ZNF425: variants seen among roughly 807,000 people sequenced by gnomAD.
ZNF425 encodes zinc finger protein 425.
ZNF425 carries 21 observed loss-of-function variants against 17.0 expected under a neutral mutation model. That is an observed-to-expected ratio of 1.23 (90% CI 0.88 to 1.78). The LOEUF is 1.78. ZNF425 is among the 40% of genes most tolerant of loss of function. ZNF425 has a pLI of 0.00. For missense variants in ZNF425, 868 were observed against 967.3 expected (o/e 0.90, Z 1.36); for synonymous variants, 433 against 384.1 (o/e 1.13, Z -1.49).
intron 1 of ZNF425, among the ~76,000 whole-genome samples, chr7:149,119,180 C>T (rs945652706): frequency 2.0e-5 from 3 of 149,502 alleles, no homozygotes; most frequent in South Asian, 2.1e-4. Flanking sequence ...GGCTCAATCT[C>T]GGCTCACTGC....
chr7:149,112,354 C>G, intron 2 of ZNF425, 59 bp from the exon 3 acceptor site: 5 of 1,539,698 alleles, frequency 3.2e-6, no homozygotes, highest in Non-Finnish European at 4.4e-6. Context: ...ATTTTTTTGG[C>G]CGGGTGTGGT....
In ZNF425 at chr7:149,112,156, A is replaced by C. The variant is rs765317802; in HGVS notation, c.285T>G (p.Thr95=). The C allele has an allele frequency of 1.9e-6, 3 of 1,613,722 alleles. No individual in the cohort carries two copies. The African/African-American group carries it at 4.0e-5, about 22-fold the overall frequency. Reference sequence around the variant, plus strand: ...ACTCACCAAAACATAGCAACTTTCCAGTATTCTTCATGTTCAACTGTTCAT... The same window carrying C: ...ACTCACCAAAACATAGCAACTTTCCCGTATTCTTCATGTTCAACTGTTCAT... ...PTDEQLNMKN[T]GKLLCFDDEG... The change falls in exon 3 of 4, where the codon ACT becomes ACG. Residue 95 remains threonine (T), a synonymous_variant. Transcript: ENST00000378061.
chr7:149,125,956 G>C lies in ZNF425; in HGVS notation c.18+240C>G. Reference sequence around the variant, plus strand: ...TCCCGCCTCAGCCTTCCGAGTGGCCGGGGCCACAGACGCGCGCGGCCAAGC... The same window carrying C: ...TCCCGCCTCAGCCTTCCGAGTGGCCCGGGCCACAGACGCGCGCGGCCAAGC... On this transcript the variant is annotated intron_variant, in intron 1 of 3. Coordinates refer to ENST00000378061, the MANE Select transcript of ZNF425 (RefSeq NM_001001661.3). 4.0e-6 allele frequency: 3 copies of C among 759,080 alleles called. No individual in the cohort carries two copies. The South Asian group carries it at 5.2e-5, about 13-fold the overall frequency. The allele number at this position is 759,080 out of a possible 1,614,324, so 47.0% of individuals were successfully genotyped here. A position where few individuals can be genotyped will look rare whatever the true frequency, so the allele number is the denominator to read the frequency against.
intron 3 of ZNF425, among the ~76,000 whole-genome samples, chr7:149,110,824 C>G (rs1826162402): frequency 6.9e-6 from 1 of 145,706 alleles, no homozygotes; most frequent in Non-Finnish European, 1.5e-5. Flanking sequence ...AGACGGAGTC[C>G]CACTCTGTCG....
intron 3 of ZNF425, among the ~76,000 whole-genome samples, chr7:149,108,799 G>A (rs767897263): frequency 6.6e-6 from 1 of 152,116 alleles, no homozygotes; most frequent in Non-Finnish European, 1.5e-5. Flanking sequence ...GGCTGAGGCA[G>A]GGGAATCGTT....
chr7:149,110,118 C>T (rs779527752), intron 3 of ZNF425, among the ~76,000 whole-genome samples: 3 of 150,910 alleles, frequency 2.0e-5, no homozygotes, highest in Non-Finnish European at 1.5e-5. Flanking sequence ...TCATGTGATC[C>T]GACCTCCTCA....
chr7:149,118,362 T>C lies in ZNF425; in HGVS notation c.19-14A>G. On this transcript the variant is annotated splice_polypyrimidine_tract_variant and intron_variant, in intron 1 of 3. Coordinates refer to ENST00000378061, the MANE Select transcript of ZNF425 (RefSeq NM_001001661.3). ...TGTCACAGTTACCTGGAATCACAAA[T>C]AGTATACACATACATTTTTACTTTA... is the stretch of plus-strand genomic sequence containing the variant. 3 of 1,614,100 alleles carry C rather than the reference T, an allele frequency of 1.9e-6. No homozygotes were observed. The highest frequency in any genetic ancestry group is 1.7e-6 in the Non-Finnish European group (2 of 1,179,966).
At chr7:149,114,643 C>G (rs1826229786) in intron 2 of ZNF425, among the ~76,000 whole-genome samples, 1 of 151,788 alleles carries the variant, frequency 6.6e-6, no homozygotes, top group South Asian at 2.1e-4. Flanking sequence ...ATGATCCACT[C>G]ACCTTGGCTT....
At chr7:149,116,685 G>T (rs1309803110) in intron 2 of ZNF425, among the ~76,000 whole-genome samples, 1 of 152,010 alleles carries the variant, frequency 6.6e-6, no homozygotes, top group African/African-American at 2.4e-5. Flanking sequence ...CTTGTGCTGA[G>T]AATAAAATCC....
At chr7:149,119,710 T>C (rs1342105964) in intron 1 of ZNF425, among the ~76,000 whole-genome samples, 5 of 152,048 alleles carry the variant, frequency 3.3e-5, no homozygotes, top group Admixed American at 3.3e-4. Context: ...GAGCTCAAGT[T>C]TGAGACCAGC....
At chr7:149,121,899 T>C (rs1302688427) in intron 1 of ZNF425, among the ~76,000 whole-genome samples, 1 of 139,342 alleles carries the variant, frequency 7.2e-6, no homozygotes, top group Non-Finnish European at 1.5e-5. Context: ...AAAATGCCAC[T>C]TTATATATTT....
chr7:149,123,310 T>C (rs80019715), intron 1 of ZNF425, among the ~76,000 whole-genome samples: 5,538 of 152,240 alleles, frequency 0.036, 329 homozygotes, highest in African/African-American at 0.13. Flanking sequence ...ACTAGCAAAG[T>C]ACTGGACATC....
In ZNF425 at chr7:149,105,499, CA is replaced by C. The variant is rs766400360; in HGVS notation, c.371del (p.Leu124CysfsTer14). ...CRLNGPQKQD[L>X]CAALRGKERK... ...TCTCTTTCCCTCGTAAGGCAGCACA[CA>C]AGTCCTGTTTTTGAGGACCATTTAA... is the stretch of plus-strand genomic sequence containing the variant. On this transcript the variant is annotated frameshift_variant, in exon 4 of 4. Coordinates refer to ENST00000378061, the MANE Select transcript of ZNF425 (RefSeq NM_001001661.3). LOFTEE classifies it low-confidence loss of function (END_TRUNC). 35 of 1,518,684 alleles carry C rather than the reference CA, an allele frequency of 2.3e-5. No individual in the cohort carries two copies. In the South Asian group the frequency reaches 3.3e-4, roughly 14 times the overall value. 94.1% of individuals were successfully genotyped at this position (1,518,684 alleles called of 1,614,324 possible). A position where few individuals can be genotyped will look rare whatever the true frequency, so the allele number is the denominator to read the frequency against.
intron 2 of ZNF425, among the ~76,000 whole-genome samples, chr7:149,115,340 T>TGG (rs1826247413): frequency 6.6e-6 from 1 of 151,712 alleles, no homozygotes; most frequent in African/African-American, 2.4e-5. Context: ...AGTAATGCAG[T>TGG]CTAGTGGCAT....
In ZNF425 at chr7:149,104,739, T is replaced by C; in HGVS notation, c.1132A>G (p.Arg378Gly). The C allele has an allele frequency of 6.2e-7, 1 of 1,613,076 alleles. No homozygotes were observed. ...AACGGCTTTTCCTCGCTGTGCGTCCTCTGGTGGGTCTTCAGGGCAGCCTTC... is the reference window on the plus strand; with the variant it reads ...AACGGCTTTTCCTCGCTGTGCGTCCCCTGGTGGGTCTTCAGGGCAGCCTTC... ...SRKAALKTHQRTHSEEKPFSC... is the reference protein window; with the variant it reads ...SRKAALKTHQGTHSEEKPFSC... Residue 378 changes from arginine (R) to glycine (G), a missense_variant, in exon 4 of 4, where the codon AGG (arginine) becomes GGG (glycine). By Grantham distance (125) the Arg-to-Gly change is moderately radical. Transcript: ENST00000378061. This position sits in a 1 kb window ranked among gnomAD's most constrained non-coding sequence, Gnocchi z 4.3.
At chr7:149,123,031 CAT>C (rs1199245656) in intron 1 of ZNF425, among the ~76,000 whole-genome samples, 11 of 152,160 alleles carry the variant, frequency 7.2e-5, no homozygotes, top group African/African-American at 9.7e-5. Context: ...AAACTGGAAA[CAT>C]AGATCATTTT....
chr7:149,105,324 T>C lies in ZNF425; in HGVS notation c.547A>G (p.Ile183Val). 6.2e-7 allele frequency: 1 copy of C among 1,614,144 alleles called. No individual in the cohort carries two copies. ...GAATAGCATCTTGGCCCTGTGGGAA[T>C]TTCTAAGCGCCCTGGGGTCTCCCGA... ...KPRETPGRLE[I>V]PTGPRCYSCY... The change falls in exon 4 of 4, where the codon ATT becomes GTT. Residue 183 changes from isoleucine to valine, a missense_variant. Coordinates refer to ENST00000378061, the MANE Select transcript of ZNF425 (RefSeq NM_001001661.3).
chr7:149,104,033 G>C lies in ZNF425; in HGVS notation c.1838C>G (p.Pro613Arg), dbSNP rs755522029. ...LHSGEKPYQC[P>R]ECEKTFRLKG... ...GAGGCGGAAAGTCTTCTCGCATTCA[G>C]GACACTGGTAGGGCTTCTCTCCACT... Residue 613 changes from proline to arginine, a missense_variant, in exon 4 of 4, where the codon CCT (proline) becomes CGT (arginine). This residue lies in a region of ZNF425 where 437 missense variants were observed against 444.2 expected (regional missense o/e 0.98). Coordinates refer to ENST00000378061, the MANE Select transcript of ZNF425 (RefSeq NM_001001661.3). The surrounding 1 kb of genome is among the most constrained non-coding windows in gnomAD (Gnocchi z 4.3). The C allele has an allele frequency of 1.9e-6, 3 of 1,613,668 alleles. No homozygotes were observed. In the East Asian group the frequency reaches 6.7e-5, roughly 36 times the overall value.
In ZNF425 at chr7:149,104,840, C is replaced by T. The variant is rs759482618; in HGVS notation, c.1031G>A (p.Gly344Asp). The T allele has an allele frequency of 1.1e-5, 17 of 1,613,540 alleles. No individual in the cohort carries two copies. The South Asian group carries it at 1.8e-4, about 17-fold the overall frequency. The change falls in exon 4 of 4, where the codon GGC becomes GAC. Residue 344 changes from glycine to aspartate, a missense_variant. By Grantham distance (94) the Gly-to-Asp change is moderately conservative (BLOSUM62 -1). Around this residue, in one of 5 missense-constraint regions of ZNF425, gnomAD observed 243 missense variants for 265.2 expected, o/e 0.92. Coordinates refer to ENST00000378061, the MANE Select transcript of ZNF425 (RefSeq NM_001001661.3). The surrounding 1 kb of genome is among the most constrained non-coding windows in gnomAD (Gnocchi z 4.3). ...GTGCTGGGTCAGATGGACCTTCATG[C>T]CCCTCTTCAGGCGGAAGCACCGGTC... is the stretch of plus-strand genomic sequence containing the variant. ...QCDRCFRLKRGMKVHLTQHSG... is the reference protein window; with the variant it reads ...QCDRCFRLKRDMKVHLTQHSG...
Sources: allele counts gnomAD v4.1 joint callset (sites outside exome capture counted in the v4.1 genomes callset), GRCh38; gene constraint gnomAD v4.1.1; regional missense constraint gnomAD v4.1.1; non-coding constraint Gnocchi (gnomAD v3.1); transcripts MANE v1.5; gene names NCBI Gene and HGNC (gene_info 2026-07-23, HGNC 2026-07-21).